Variants in REM2 observed in about 807,000 individuals in gnomAD.
The protein encoded by REM2 is GTP-binding protein REM 2.
REM2 carries 24 observed loss-of-function variants against 24.4 expected under a neutral mutation model. That is an observed-to-expected ratio of 0.98 (90% confidence interval 0.71 to 1.38). REM2 has a LOEUF of 1.38. Among genes scored for constraint, REM2 ranks in the 40% most tolerant of loss-of-function variants. The probability of loss-of-function intolerance (pLI) is 0.00; values close to 1 mark genes in which losing one functional copy is unlikely to be tolerated. For missense variants in REM2, 429 were observed against 467.8 expected (o/e 0.92, Z 0.77); for synonymous variants, 187 against 198.0 (o/e 0.94, Z 0.47).
At chr14:22,885,824 C>G (rs2040119789) in intron 3 of REM2, among the ~76,000 whole-genome samples, 200 bp from the exon 4 acceptor site, 1 of 152,180 alleles carries the variant, frequency 6.6e-6, no homozygotes, top group Non-Finnish European at 1.5e-5. Flanking sequence ...GATGGCTACC[C>G]TAGTCTAGGA....
chr14:22,885,177 T>C lies in REM2; in HGVS notation c.446-89T>C, dbSNP rs74036502. 2.4e-3 allele frequency: 3,272 copies of C among 1,388,946 alleles called. 61 individuals are homozygous for C. In the African/African-American group the frequency reaches 0.041, roughly 18 times the overall value. 86.0% of individuals were successfully genotyped at this position (1,388,946 alleles called of 1,614,324 possible). A position where few individuals can be genotyped will look rare whatever the true frequency, so the allele number is the denominator to read the frequency against. On this transcript the variant is annotated intron_variant, in intron 2 of 4. Coordinates refer to ENST00000267396, the MANE Select transcript of REM2 (RefSeq NM_173527.3). ...GAAGAGGGGCAGGGTTCCCTGGTGC[T>C]GAGATCTGAGGTGTCCCTGGTTACC... is the stretch of plus-strand genomic sequence containing the variant.
chr14:22,885,469 A>G (rs900678373), intron 3 of REM2, 130 bp downstream of exon 3: 7 of 693,804 alleles, frequency 1.0e-5, no homozygotes, highest in Non-Finnish European at 1.8e-5. Context: ...CCTTTCATTC[A>G]TATCACCTCA....
chr14:22,883,341 C>T lies in REM2; in HGVS notation c.54C>T (p.Leu18=). Residue 18 remains leucine, a synonymous_variant, in exon 1 of 5, where the codon CTC becomes CTT. Transcript: ENST00000267396. ...DMDMDTETTA[L]CPSGSRRASP... is the part of the protein sequence containing the mutation. ...ACATGGACACAGAAACCACAGCACT[C>T]TGCCCCTCTGGCAGCCGCCGGGCCT... The T allele has an allele frequency of 6.4e-7, 1 of 1,561,004 alleles. No homozygotes were observed. The highest frequency in any genetic ancestry group is 8.7e-7 in the Non-Finnish European group (1 of 1,152,980).
chr14:22,885,274 T>C lies in REM2; in HGVS notation c.454T>C (p.Tyr152His). The C allele has an allele frequency of 1.2e-6, 2 of 1,613,390 alleles. No homozygotes were observed. The highest frequency in any genetic ancestry group is 1.7e-6 in the Non-Finnish European group (2 of 1,179,334). The change falls in exon 3 of 5, where the codon TAT becomes CAT. Residue 152 changes from tyrosine (Y) to histidine (H), a missense_variant. Transcript: ENST00000267396. ...TCCCTATTTCCCAGCAGAGGATACCTATGAGAGACGCATCATGGTGGATAA... is the reference window on the plus strand; with the variant it reads ...TCCCTATTTCCCAGCAGAGGATACCCATGAGAGACGCATCATGGTGGATAA... ...AHEPENPEDTYERRIMVDKEE... is the reference protein window; with the variant it reads ...AHEPENPEDTHERRIMVDKEE...
At chr14:22,885,765 C>G (rs1449324707) in intron 3 of REM2, among the ~76,000 whole-genome samples, 2 of 152,206 alleles carry the variant, frequency 1.3e-5, no homozygotes, top group African/African-American at 2.4e-5. Flanking sequence ...GGCCAAATTA[C>G]AGACGTGTGA....
Position 22,887,499 on chromosome 14 carries a change from T to C in REM2, c.*590T>C, listed in dbSNP as rs1319022519. 1.3e-5 allele frequency: 2 copies of C among 152,242 alleles called. No individual in the cohort carries two copies. The highest frequency in any genetic ancestry group is 4.8e-5 in the African/African-American group (2 of 41,460). 9.4% of individuals were successfully genotyped at this position (152,242 alleles called of 1,614,324 possible). ...GGGCCTGGAAGTGCTGTTCCTGAGA[T>C]GGATTCTCTTGACTTACCAGTCCAC... On this transcript the variant is annotated 3_prime_UTR_variant, in exon 5 of 5. Transcript: ENST00000267396.
rs373274304 is a variant in REM2, at chr14:22,884,931, G to A, written c.361G>A (p.Gly121Arg). 1.6e-5 allele frequency: 25 copies of A among 1,604,476 alleles called. No homozygotes were observed. Among genetic ancestry groups the A allele is most frequent in the Admixed American group, 1.2e-4 (7 of 59,312 alleles). The part of the protein sequence containing the change: ...KDGIFKVMLV[G>R]ESGVGKSTLA... Reference sequence around the variant, plus strand: ...TGGCATCTTCAAGGTCATGCTAGTGGGGGAGAGCGGCGTGGGCAAGAGCAC... The same window carrying A: ...TGGCATCTTCAAGGTCATGCTAGTGAGGGAGAGCGGCGTGGGCAAGAGCAC... Residue 121 changes from glycine (G) to arginine (R), a missense_variant, in exon 2 of 5, where the codon GGG (glycine) becomes AGG (arginine). Coordinates refer to ENST00000267396, the MANE Select transcript of REM2 (RefSeq NM_173527.3).
chr14:22,886,233 T>C lies in REM2; in HGVS notation c.727+2T>C, dbSNP rs766244623. 1.9e-6 allele frequency: 3 copies of C among 1,607,362 alleles called. No individual in the cohort carries two copies. The highest frequency in any genetic ancestry group is 2.6e-6 in the Non-Finnish European group (3 of 1,176,354). The stretch of plus-strand genomic sequence containing the variant: ...GCTCCCGGGAGGTATCACTGGAGGG[T>C]GTGTATCCTGAACAGATTCCATACT... On this transcript the variant is annotated splice_donor_variant, in intron 4 of 4. Transcript: ENST00000267396. LOFTEE classifies it high-confidence loss of function. The surrounding 1 kb of genome is among the most constrained non-coding windows in gnomAD (Gnocchi z 5.9).
In REM2 at chr14:22,886,598, C is replaced by T. The variant is rs2040131388; in HGVS notation, c.728-16C>T. On this transcript the variant is annotated splice_polypyrimidine_tract_variant and intron_variant, in intron 4 of 4. Coordinates refer to ENST00000267396, the MANE Select transcript of REM2 (RefSeq NM_173527.3). This position sits in a 1 kb window ranked among gnomAD's most constrained non-coding sequence, Gnocchi z 5.9. The stretch of plus-strand genomic sequence containing the variant: ...CGTACAGCCCAGCGGGCGCCTGAGC[C>T]GGTGCCTTCCTGCAGAGGGCCGCCA... 2 of 1,446,664 alleles carry T rather than the reference C, an allele frequency of 1.4e-6. No homozygotes were observed. The highest frequency in any genetic ancestry group is 9.1e-7 in the Non-Finnish European group (1 of 1,099,274). 89.6% of individuals were successfully genotyped at this position (1,446,664 alleles called of 1,614,324 possible).
chr14:22,884,039 TAC>T, intron 1 of REM2: 1 of 985,138 alleles, frequency 1.0e-6, no homozygotes, highest in Middle Eastern at 5.2e-4. Flanking sequence ...GATGCTCACC[TAC>T]AGGGCCACGG....
Position 22,886,211 on chromosome 14 carries a change from C to G in REM2, c.707C>G (p.Ser236Cys). The G allele has an allele frequency of 1.2e-6, 2 of 1,613,126 alleles. No individual in the cohort carries two copies. Among genetic ancestry groups the G allele is most frequent in the Non-Finnish European group, 1.7e-6 (2 of 1,179,518 alleles). The change falls in exon 4 of 5, where the codon TCC becomes TGC. Residue 236 changes from serine (S) to cysteine (C), a missense_variant. Coordinates refer to ENST00000267396, the MANE Select transcript of REM2 (RefSeq NM_173527.3). This position sits in a 1 kb window ranked among gnomAD's most constrained non-coding sequence, Gnocchi z 5.9. The part of the protein sequence containing the change: ...LVGNKSDLAR[S>C]REVSLEEGRH... Reference sequence around the variant, plus strand: ...GGAAACAAGAGCGACTTGGCCCGCTCCCGGGAGGTATCACTGGAGGGTGTG... The same window carrying G: ...GGAAACAAGAGCGACTTGGCCCGCTGCCGGGAGGTATCACTGGAGGGTGTG...
chr14:22,886,423 T>C lies in REM2; in HGVS notation c.728-191T>C. ...CCTTCTTGTCACTTCCCCTCACCTC[T>C]CTCCTAGGCCTCCTTCTCCCTCTCC... On this transcript the variant is annotated intron_variant, in intron 4 of 4. Transcript: ENST00000267396. The surrounding 1 kb of genome is among the most constrained non-coding windows in gnomAD (Gnocchi z 5.9). 2 of 717,016 alleles carry C rather than the reference T, an allele frequency of 2.8e-6. No homozygotes were observed. The highest frequency in any genetic ancestry group is 2.7e-5 in the East Asian group (1 of 37,048). The allele number at this position is 717,016 out of a possible 1,614,324, so 44.4% of individuals were successfully genotyped here. A position where few individuals can be genotyped will look rare whatever the true frequency, so the allele number is the denominator to read the frequency against.
chr14:22,885,132 C>A, intron 2 of REM2, 117 bp downstream of exon 2: 1 of 1,365,814 alleles, frequency 7.3e-7, no homozygotes, highest in Non-Finnish European at 1.0e-6. Context: ...TTTTCCAATG[C>A]TTTCTGTGGC....
rs73588588 is a variant in REM2 at position 22,883,572 on chromosome 14, G to A, written c.103+182G>A. ...GGATTGGGGCTGGGCTAGGGTGGAG[G>A]GGAAGAGCTGCCTAAATGCCCCCTC... On this transcript the variant is annotated intron_variant, in intron 1 of 4. Coordinates refer to ENST00000267396, the MANE Select transcript of REM2 (RefSeq NM_173527.3). 3.7e-3 allele frequency among the ~76,000 whole-genome samples: 564 copies of A among 152,208 alleles called. 6 individuals carry two copies. Among genetic ancestry groups the A allele is most frequent in the African/African-American group, 0.012 (511 of 41,506 alleles).
At chr14:22,885,902 C>T in intron 3 of REM2, 122 bp from the exon 4 acceptor site, 2 of 715,576 alleles carry the variant, frequency 2.8e-6, no homozygotes, top group South Asian at 3.3e-5. Context: ...CATTAACTAG[C>T]TCTGCTGTCC....
At chr14:22,884,589 G>C in intron 1 of REM2, 85 bp from the exon 2 acceptor site, 2 of 1,478,464 alleles carry the variant, frequency 1.4e-6, no homozygotes, top group East Asian at 2.4e-5. Context: ...TCTGATACTG[G>C]AACAGCCTGG....
Position 22,886,915 on chromosome 14 carries a change from G to C in REM2, c.*6G>C, listed in dbSNP as rs918095359. The C allele has an allele frequency of 1.0e-5, 15 of 1,448,328 alleles. No individual in the cohort carries two copies. Among genetic ancestry groups the C allele is most frequent in the Admixed American group, 5.1e-5 (2 of 38,836 alleles). The allele number at this position is 1,448,328 out of a possible 1,614,324, so 89.7% of individuals were successfully genotyped here. On this transcript the variant is annotated 3_prime_UTR_variant, in exon 5 of 5. Coordinates refer to ENST00000267396, the MANE Select transcript of REM2 (RefSeq NM_173527.3). This position sits in a 1 kb window ranked among gnomAD's most constrained non-coding sequence, Gnocchi z 5.9. ...ACGACCTCTCGGTGCTCTGAGCCGCGGTCGCCATGGCCACTGCGGTCGCCA... is the reference window on the plus strand; with the variant it reads ...ACGACCTCTCGGTGCTCTGAGCCGCCGTCGCCATGGCCACTGCGGTCGCCA...
chr14:22,885,129 A>G (rs1052047819), intron 2 of REM2, 114 bp downstream of exon 2: 15 of 1,385,494 alleles, frequency 1.1e-5, no homozygotes, highest in Non-Finnish European at 1.1e-5. Context: ...AGCTTTTCCA[A>G]TGCTTTCTGT....
In REM2 at chr14:22,886,274, A is replaced by G; in HGVS notation, c.727+43A>G. The G allele has an allele frequency of 1.3e-6, 2 of 1,530,106 alleles. No individual in the cohort carries two copies. The highest frequency in any genetic ancestry group is 1.7e-4 in the Middle Eastern group (1 of 5,920). The allele number at this position is 1,530,106 out of a possible 1,614,324, so 94.8% of individuals were successfully genotyped here. On this transcript the variant is annotated intron_variant, in intron 4 of 4. Coordinates refer to ENST00000267396, the MANE Select transcript of REM2 (RefSeq NM_173527.3). The surrounding 1 kb of genome is among the most constrained non-coding windows in gnomAD (Gnocchi z 5.9). ...ATTCCATACTTGCGATCTCAGGGGA[A>G]TGCTCTCCCTTCCAAGTCACCTCTT...
Sources: allele counts gnomAD v4.1 joint callset (sites outside exome capture counted in the v4.1 genomes callset), GRCh38; gene constraint gnomAD v4.1.1; non-coding constraint Gnocchi (gnomAD v3.1); transcripts MANE v1.5; gene names NCBI Gene and HGNC (gene_info 2026-07-23, HGNC 2026-07-21).